Variants in DNAH6 observed in about 807,000 individuals in gnomAD.
DNAH6 encodes axonemal beta dynein heavy chain 6.
DNAH6 carries 340 observed loss-of-function variants against 491.4 expected under a neutral mutation model. The observed-to-expected ratio is 0.69, with a 90% CI of 0.63 to 0.76. The LOEUF (loss-of-function observed/expected upper bound fraction) is 0.76. DNAH6 is among the 30% of genes least tolerant of loss of function. DNAH6 has a pLI of 0.00. For missense variants in DNAH6, 4,443 were observed against 4,972.2 expected, an observed-to-expected ratio of 0.89 and a Z score of 3.20; for synonymous variants, 1,603 against 1,686.1, an observed-to-expected ratio of 0.95 and a Z score of 1.21.
chr2:84,666,006 G>T (rs1475519792), intron 37 of DNAH6, among the ~76,000 whole-genome samples: 2 of 152,100 alleles, frequency 1.3e-5, no homozygotes, highest in African/African-American at 4.8e-5. Context: ...AAAACCACAT[G>T]ATTATCTCAA....
chr2:84,746,615 G>T (rs1672999542), intron 63 of DNAH6, among the ~76,000 whole-genome samples: 1 of 152,202 alleles, frequency 6.6e-6, no homozygotes, highest in Non-Finnish European at 1.5e-5. Context: ...TGGGAAAAGG[G>T]AGAAAAAACT....
the DNAH6 span, among the ~76,000 whole-genome samples, chr2:84,477,273 G>A: frequency 6.6e-6 from 1 of 152,136 alleles, no homozygotes; most frequent in South Asian, 2.1e-4. Context: ...TATGGAACAT[G>A]TTCTGCTACT....
chr2:84,741,641 A>G (rs1672535821), intron 62 of DNAH6, among the ~76,000 whole-genome samples: 1 of 152,028 alleles, frequency 6.6e-6, no homozygotes, highest in African/African-American at 2.4e-5. Context: ...CAGGGCAGCA[A>G]GTACCCTCTA....
chr2:84,568,621 C>A (rs1681466973), intron 11 of DNAH6, among the ~76,000 whole-genome samples: 1 of 152,078 alleles, frequency 6.6e-6, no homozygotes, highest in African/African-American at 2.4e-5. Flanking sequence ...GGCTTAATAC[C>A]TAGGTGATGG....
intron 4 of DNAH6, among the ~76,000 whole-genome samples, chr2:84,535,550 A>G (rs948624854): frequency 3.3e-5 from 5 of 151,918 alleles, no homozygotes; most frequent in Non-Finnish European, 2.9e-5. Context: ...TTAGATTAGT[A>G]TCAGATAAAG....
chr2:84,468,492 T>G, the DNAH6 span, among the ~76,000 whole-genome samples: 2 of 152,314 alleles, frequency 1.3e-5, no homozygotes, highest in South Asian at 4.1e-4. Context: ...TAAAGCCCTT[T>G]TAGAATTTCT....
At chr2:84,606,506 A>G (rs986272269) in intron 20 of DNAH6, among the ~76,000 whole-genome samples, 5 of 152,186 alleles carry the variant, frequency 3.3e-5, no homozygotes, top group African/African-American at 9.6e-5. Flanking sequence ...GAGAAACTGT[A>G]TAACCATTCA....
At chr2:84,508,886 G>T in the DNAH6 span, among the ~76,000 whole-genome samples, 1 of 152,156 alleles carries the variant, frequency 6.6e-6, no homozygotes. Context: ...TTTTGAGTGG[G>T]TTTCTTAATC....
rs1417746456 is a variant in DNAH6, at chr2:84,677,002, C to G, written c.6613-3C>G. ...TGATCCAAGTGGATTTCTCTGCACA[C>G]AGGATGTAACAATCATATCGGCATG... On this transcript the variant is annotated splice_region_variant and splice_polypyrimidine_tract_variant and intron_variant, in intron 40 of 76. Transcript: ENST00000389394. 3 of 1,551,772 alleles carry G rather than the reference C, an allele frequency of 1.9e-6. No homozygotes were observed. Among genetic ancestry groups the G allele is most frequent in the African/African-American group, 2.7e-5 (2 of 73,174 alleles).
At chr2:84,740,421 A>C (rs1672411596) in intron 62 of DNAH6, among the ~76,000 whole-genome samples, 1 of 152,202 alleles carries the variant, frequency 6.6e-6, no homozygotes, top group South Asian at 2.1e-4. Flanking sequence ...CAGACTCCAA[A>C]GTGAAGAGTC....
chr2:84,762,572 T>C (rs73943394), intron 63 of DNAH6, among the ~76,000 whole-genome samples, 183 bp from the exon 64 acceptor site: 1 of 152,106 alleles, frequency 6.6e-6, no homozygotes, highest in East Asian at 1.9e-4. Context: ...GAACCATAGC[T>C]GTCCACAGAT....
At chr2:84,595,090 G>A (rs1008835426) in intron 17 of DNAH6, among the ~76,000 whole-genome samples, 1 of 152,034 alleles carries the variant, frequency 6.6e-6, no homozygotes, top group Admixed American at 6.6e-5. Flanking sequence ...AAACACACTA[G>A]GGAGCAGAAG....
intron 44 of DNAH6, among the ~76,000 whole-genome samples, chr2:84,687,493 G>A (rs768746818): frequency 4.0e-5 from 6 of 151,868 alleles, no homozygotes; most frequent in Non-Finnish European, 8.8e-5. Flanking sequence ...ATTACCACCC[G>A]ACAAATAAAA....
At chr2:84,464,461 T>C in the DNAH6 span, among the ~76,000 whole-genome samples, 1 of 152,152 alleles carries the variant, frequency 6.6e-6, no homozygotes, top group Non-Finnish European at 1.5e-5. Flanking sequence ...TTAGATCTCA[T>C]GCAAGAAAGA....
chr2:84,514,867 T>TCACACACA (rs58335460), upstream of DNAH6, among the ~76,000 whole-genome samples: 6,344 of 139,004 alleles, frequency 0.046, 224 homozygotes, highest in African/African-American at 0.079. Context: ...TTCACCACAG[T>TCACACACA]CACACACACA....
chr2:84,804,224 A>T lies in DNAH6; in HGVS notation c.11482-1441A>T, dbSNP rs1573861773. Among the ~76,000 whole-genome samples, 3 of 133,398 alleles carry T rather than the reference A, an allele frequency of 2.2e-5. No homozygotes were observed. The East Asian group carries it at 6.6e-4, about 29-fold the overall frequency. The allele number at this position is 133,398 out of a possible 152,430, so 87.5% of individuals were successfully genotyped here. A position where few individuals can be genotyped will look rare whatever the true frequency, so the allele number is the denominator to read the frequency against. On this transcript the variant is annotated intron_variant, in intron 70 of 76. Transcript: ENST00000389394. ...CCATCTCAAAAAAAAAAAAAAAAAA[A>T]GTCTAATAAAATCAAAAAACTAGAA...
chr2:84,511,070 G>A, the DNAH6 span, among the ~76,000 whole-genome samples: 22 of 152,300 alleles, frequency 1.4e-4, no homozygotes, highest in African/African-American at 4.8e-4. Context: ...CGCCAGCTGT[G>A]TGCTGGGAGA....
intron 33 of DNAH6, among the ~76,000 whole-genome samples, chr2:84,649,430 A>G (rs906484416): frequency 1.2e-4 from 18 of 152,244 alleles, no homozygotes; most frequent in East Asian, 5.8e-4. Context: ...CTTTTTGCTT[A>G]GAGAACTTCC....
intron 21 of DNAH6, among the ~76,000 whole-genome samples, chr2:84,610,042 T>C (rs902856634): frequency 1.3e-5 from 2 of 152,284 alleles, no homozygotes; most frequent in East Asian, 1.9e-4. Context: ...GCAATCAAGA[T>C]GTCAGCCAGA....
Sources: gnomAD v4.1 joint callset for allele counts (sites outside exome capture counted in the v4.1 genomes callset) on GRCh38, gnomAD v4.1.1 for gene constraint, MANE v1.5 for transcripts, NCBI Gene and HGNC (gene_info 2026-07-23, HGNC 2026-07-21) for gene names.